Variants in YAE1 observed in about 807,000 individuals in gnomAD.
YAE1 encodes the protein YAE1 maturation factor of ABCE1.
A neutral mutation model predicts 23.0 loss-of-function variants in YAE1; 22 were observed. The ratio of observed to expected loss-of-function variants is 0.96; its 90% CI spans 0.68 to 1.37. YAE1 has a LOEUF of 1.37. Ranked by LOEUF, YAE1 falls within the 40% of genes most tolerant of loss-of-function variation. The pLI is 0.00. For synonymous variants in YAE1, 101 were observed against 97.0 expected (o/e 1.04, Z -0.24); for missense variants, 260 against 262.1 (o/e 0.99, Z 0.06).
chr7:39,608,885 A>G (rs1791166469), intron 2 of YAE1, among the ~76,000 whole-genome samples: 1 of 152,218 alleles, frequency 6.6e-6, no homozygotes, highest in Non-Finnish European at 1.5e-5. Flanking sequence ...TATATAATTA[A>G]AACAACCAAT....
intron 2 of YAE1, among the ~76,000 whole-genome samples, chr7:39,580,884 T>A (rs1177579631): frequency 6.6e-6 from 1 of 152,138 alleles, no homozygotes; most frequent in African/African-American, 2.4e-5. Context: ...AAAAGCACCT[T>A]TTTTCCAAAG....
At chr7:39,598,745 C>A (rs1791013220) in intron 2 of YAE1, among the ~76,000 whole-genome samples, 1 of 148,670 alleles carries the variant, frequency 6.7e-6, no homozygotes, top group Non-Finnish European at 1.5e-5. Context: ...CCACAGCACT[C>A]CAGCCTAGGT....
chr7:39,570,390 C>T (rs953383437), intron 1 of YAE1, 116 bp from the exon 2 acceptor site: 2 of 1,191,868 alleles, frequency 1.7e-6, no homozygotes, highest in Non-Finnish European at 1.2e-6. Flanking sequence ...ATATTATGGT[C>T]AGTAACACAG....
chr7:39,603,033 G>C lies in YAE1; in HGVS notation c.252-6584G>C, dbSNP rs143711184. On this transcript the variant is annotated intron_variant, in intron 2 of 2. Coordinates refer to the YAE1 transcript ENST00000432096. Reference sequence around the variant, plus strand: ...CAAAGTGCTGGGATTACAGGCGTTAGCCACTGTGCTAGGTCTAAATTTCAA... The same window carrying C: ...CAAAGTGCTGGGATTACAGGCGTTACCCACTGTGCTAGGTCTAAATTTCAA... Among the ~76,000 whole-genome samples the C allele has an allele frequency of 3.2e-3, 489 of 152,386 alleles. 3 individuals carry two copies. Among genetic ancestry groups the C allele is most frequent in the African/African-American group, 0.011 (466 of 41,586 alleles).
intron 2 of YAE1, among the ~76,000 whole-genome samples, chr7:39,593,283 C>T (rs536316106): frequency 1.2e-4 from 16 of 132,254 alleles, no homozygotes; most frequent in Admixed American, 5.4e-4. Flanking sequence ...GTCCTGGGTT[C>T]GAGTTATTCA....
At chr7:39,571,646 C>A (rs17770594) in intron 2 of YAE1, among the ~76,000 whole-genome samples, 2,159 of 152,202 alleles carry the variant, frequency 0.014, 58 homozygotes, top group East Asian at 0.13. Flanking sequence ...TCAATGGATT[C>A]TATTTTTAAA....
At chr7:39,602,727 GTTTTTTGTTTGT>G (rs1791070124) in intron 2 of YAE1, among the ~76,000 whole-genome samples, 1 of 103,514 alleles carries the variant, frequency 9.7e-6, no homozygotes, top group African/African-American at 4.3e-5. Flanking sequence ...TCAAAGTTTG[GTTTTTTGTTTGT>G]TTGTTTGTTT....
At chr7:39,611,740 G>A (rs548466637), downstream of YAE1, among the ~76,000 whole-genome samples, 1 of 152,248 alleles carries the variant, frequency 6.6e-6, no homozygotes, top group African/African-American at 2.4e-5. Context: ...ATTTGTTCAG[G>A]ACCACATTTT....
chr7:39,590,346 G>C (rs1333373056), intron 2 of YAE1, among the ~76,000 whole-genome samples: 1 of 152,094 alleles, frequency 6.6e-6, no homozygotes, highest in Non-Finnish European at 1.5e-5. Flanking sequence ...GAGTACTTAA[G>C]ATATGTCAGA....
At position 39,572,452 on chromosome 7, in the gene YAE1, T is replaced by G. The variant is rs1790586045; in HGVS notation, c.427T>G (p.Cys143Gly). 3 of 1,614,066 alleles carry G rather than the reference T, an allele frequency of 1.9e-6. No homozygotes were observed. Among genetic ancestry groups the G allele is most frequent in the Admixed American group, 3.3e-5 (2 of 60,010 alleles). ...LLDSIEDMDLCHVVPAEKKID... is the reference protein window; with the variant it reads ...LLDSIEDMDLGHVVPAEKKID... The stretch of plus-strand genomic sequence containing the variant: ...GGACTCCATTGAGGATATGGACCTT[T>G]GTCATGTAGTTCCAGCTGAGAAAAA... The change falls in exon 3 of 3, where the codon TGT (cysteine) becomes GGT (glycine). Residue 143 changes from cysteine to glycine, a missense_variant. Coordinates refer to ENST00000223273, the MANE Select transcript of YAE1 (RefSeq NM_020192.5).
At chr7:39,567,217 A>G (rs1790486416) in intron 1 of YAE1, among the ~76,000 whole-genome samples, 1 of 152,216 alleles carries the variant, frequency 6.6e-6, no homozygotes, top group Non-Finnish European at 1.5e-5. Context: ...AATTGCCGCT[A>G]AAGCTGCAGT....
At chr7:39,583,999 T>C (rs533188075) in intron 2 of YAE1, among the ~76,000 whole-genome samples, 2 of 152,244 alleles carry the variant, frequency 1.3e-5, no homozygotes, top group East Asian at 1.9e-4. Flanking sequence ...TTTGAATAAA[T>C]TGTAAGAATT....
At chr7:39,567,208 A>T (rs531384908) in intron 1 of YAE1, among the ~76,000 whole-genome samples, 1 of 152,338 alleles carries the variant, frequency 6.6e-6, no homozygotes, top group East Asian at 1.9e-4. Context: ...CAACCATTAA[A>T]TTGCCGCTAA....
intron 2 of YAE1, among the ~76,000 whole-genome samples, chr7:39,581,696 A>T (rs1334293751): frequency 1.3e-5 from 2 of 151,864 alleles, no homozygotes; most frequent in Non-Finnish European, 2.9e-5. Flanking sequence ...ACATAGGGAG[A>T]CCGCATCTCT....
chr7:39,603,322 G>A (rs961094778), intron 2 of YAE1, among the ~76,000 whole-genome samples: 4 of 152,112 alleles, frequency 2.6e-5, no homozygotes, highest in Non-Finnish European at 4.4e-5. Flanking sequence ...GAATTTTTTA[G>A]TAGAGACGGG....
intron 2 of YAE1, among the ~76,000 whole-genome samples, chr7:39,607,818 G>A (rs1469566365): frequency 6.6e-6 from 1 of 152,142 alleles, no homozygotes. Flanking sequence ...ACAGGCGTGT[G>A]CCACCATGCC....
intron 2 of YAE1, among the ~76,000 whole-genome samples, chr7:39,596,426 C>T (rs1190664525): frequency 6.6e-6 from 1 of 151,890 alleles, no homozygotes; most frequent in South Asian, 2.1e-4. Flanking sequence ...TTAGTAGAGA[C>T]GAAGTTTCAC....
chr7:39,588,799 T>C (rs908270268), intron 2 of YAE1, among the ~76,000 whole-genome samples: 4 of 149,740 alleles, frequency 2.7e-5, no homozygotes, highest in African/African-American at 9.8e-5. Context: ...ACTTTAAAAA[T>C]GTAAACAATA....
chr7:39,599,105 T>A lies in YAE1; in HGVS notation c.252-10512T>A, dbSNP rs145045244. ...AAATACAAAAACTGGCGAGGCGAGG[T>A]GGTGCATGGCTATAATCCCAGCTCC... On this transcript the variant is annotated intron_variant, in intron 2 of 2. Transcript: ENST00000432096. Among the ~76,000 whole-genome samples, 323 of 151,914 alleles carry A rather than the reference T, an allele frequency of 2.1e-3. 1 individual carries two copies. Among genetic ancestry groups the A allele is most frequent in the Non-Finnish European group, 3.7e-3 (254 of 67,940 alleles).
Sources: gnomAD v4.1 joint callset for allele counts (sites outside exome capture counted in the v4.1 genomes callset) on GRCh38, gnomAD v4.1.1 for gene constraint, MANE v1.5 for transcripts, NCBI Gene and HGNC (gene_info 2026-07-23, HGNC 2026-07-21) for gene names.